GPHN: variants seen among roughly 807,000 people sequenced by gnomAD.
GPHN encodes gephyrin.
Under a neutral mutation model 95.5 loss-of-function variants are expected in GPHN, and 17 were observed. The observed-to-expected ratio is 0.18, with a 90% CI of 0.12 to 0.27. The LOEUF (loss-of-function observed/expected upper bound fraction) is 0.27. Ranked by LOEUF, GPHN falls within the 10% of genes least tolerant of loss-of-function variation. The pLI is 1.00. For synonymous variants in GPHN, 320 were observed against 322.5 expected (o/e 0.99, Z 0.08); for missense variants, 660 against 978.1 (o/e 0.67, Z 4.34).
chr14:67,071,068 A>G (rs2076285294), intron 11 of GPHN, among the ~76,000 whole-genome samples: 1 of 152,200 alleles, frequency 6.6e-6, no homozygotes, highest in South Asian at 2.1e-4. Flanking sequence ...TGTGGAAGAT[A>G]GTGTGGCAAT....
the GPHN span, chr14:67,385,484 C>T: frequency 2.6e-5 from 4 of 151,436 alleles, no homozygotes; most frequent in South Asian, 4.2e-4. Context: ...CCCATCAAAG[C>T]CTTTTCATTA....
At position 66,841,360 on chromosome 14, in the gene GPHN, C is replaced by T. The variant is rs531978791; in HGVS notation, c.294+16794C>T. On this transcript the variant is annotated intron_variant, in intron 4 of 22. Coordinates refer to ENST00000478722, the MANE Select transcript of GPHN (RefSeq NM_020806.5). ...AGAGGAAGCCATGGATCATGTGGAACCTGTATGCCACCCTTAGTGTAACAG... is the reference window on the plus strand; with the variant it reads ...AGAGGAAGCCATGGATCATGTGGAATCTGTATGCCACCCTTAGTGTAACAG... 2.6e-5 allele frequency among the ~76,000 whole-genome samples: 4 copies of T among 152,220 alleles called. No homozygotes were observed. The East Asian group carries it at 5.8e-4, about 22-fold the overall frequency.
chr14:67,468,859 C>T, the GPHN span, among the ~76,000 whole-genome samples: 1 of 151,836 alleles, frequency 6.6e-6, no homozygotes, highest in Non-Finnish European at 1.5e-5. Context: ...TGCACCACTG[C>T]ACTCCAGTCT....
At chr14:66,878,143 A>G (rs2063754680) in intron 4 of GPHN, among the ~76,000 whole-genome samples, 1 of 152,206 alleles carries the variant, frequency 6.6e-6, no homozygotes, top group Admixed American at 6.5e-5. Context: ...TCTATTTAAT[A>G]AATGGTATTG....
the GPHN span, chr14:67,311,872 G>T: frequency 3.9e-5 from 6 of 152,566 alleles, no homozygotes; most frequent in Admixed American, 1.3e-4. Flanking sequence ...GTCGTTGATA[G>T]TGTGCTTGTT....
chr14:66,722,188 C>T (rs564084262), intron 2 of GPHN, among the ~76,000 whole-genome samples: 1 of 151,850 alleles, frequency 6.6e-6, no homozygotes, highest in South Asian at 2.1e-4. Flanking sequence ...GAAAGGATTC[C>T]GCTTTTTTAA....
intron 9 of GPHN, among the ~76,000 whole-genome samples, chr14:67,022,794 G>C (rs547711155): frequency 1.3e-5 from 2 of 151,468 alleles, no homozygotes; most frequent in South Asian, 4.2e-4. Context: ...ATCCATTTGT[G>C]GCAAGCTGCT....
intron 2 of GPHN, among the ~76,000 whole-genome samples, chr14:66,713,752 TTTTA>T (rs2069896766): frequency 6.6e-6 from 1 of 151,928 alleles, no homozygotes; most frequent in Non-Finnish European, 1.5e-5. Flanking sequence ...GTTGTTTTTT[TTTTA>T]TTTGTTTGTT....
At chr14:67,644,397 G>A in the GPHN span, among the ~76,000 whole-genome samples, 1 of 152,118 alleles carries the variant, frequency 6.6e-6, no homozygotes, top group African/African-American at 2.4e-5. Context: ...GCTCTTCCAG[G>A]ACTAAAACTC....
intron 1 of GPHN, among the ~76,000 whole-genome samples, chr14:66,560,263 C>T (rs2060178552): frequency 1.3e-5 from 2 of 152,030 alleles, no homozygotes; most frequent in African/African-American, 4.8e-5. Context: ...GTAGTTTTTT[C>T]CAATTCTGTG....
intron 3 of GPHN, among the ~76,000 whole-genome samples, chr14:66,784,531 T>C (rs909126793): frequency 6.6e-6 from 1 of 152,306 alleles, no homozygotes; most frequent in South Asian, 2.1e-4. Flanking sequence ...ATCACAGTTA[T>C]ACTGTATAAT....
the GPHN span, among the ~76,000 whole-genome samples, chr14:67,445,577 CTTTTTTTTTTTTT>C: frequency 1.7e-5 from 1 of 59,924 alleles, no homozygotes; most frequent in Non-Finnish European, 3.0e-5. Context: ...AGAGGCAATT[CTTTTTTTTTTTTT>C]TTTTTTTTTT....
In GPHN at chr14:66,651,678, A is replaced by T. The variant is rs763027709; in HGVS notation, c.65-29429A>T. On this transcript the variant is annotated intron_variant, in intron 1 of 22. Transcript: ENST00000478722. ...TTCTAGACTAAAGTCAAGGCGGAATATCCTGAGATTGCCACAAAAGCACTA... is the reference window on the plus strand; with the variant it reads ...TTCTAGACTAAAGTCAAGGCGGAATTTCCTGAGATTGCCACAAAAGCACTA... Among the ~76,000 whole-genome samples the T allele has an allele frequency of 1.4e-3, 212 of 152,178 alleles. 6 individuals carry two copies. The highest frequency in any genetic ancestry group is 3.7e-4 in the Non-Finnish European group (25 of 68,040).
chr14:66,719,477 A>G (rs1283189230), intron 2 of GPHN, among the ~76,000 whole-genome samples: 1 of 152,144 alleles, frequency 6.6e-6, no homozygotes, highest in Non-Finnish European at 1.5e-5. Context: ...GGGCAGTCAC[A>G]TTATCTCAGG....
chr14:67,703,874 T>C, the GPHN span, among the ~76,000 whole-genome samples: 1 of 152,084 alleles, frequency 6.6e-6, no homozygotes, highest in South Asian at 2.1e-4. Flanking sequence ...GATGGGGTTT[T>C]GCCATGTTGC....
chr14:67,213,320 C>T, the GPHN span, among the ~76,000 whole-genome samples: 7 of 113,636 alleles, frequency 6.2e-5, no homozygotes, highest in Middle Eastern at 0.01. Flanking sequence ...CCCCCTCCCC[C>T]CACCCCACAA....
the GPHN span, chr14:67,335,522 A>G: frequency 4.8e-4 from 73 of 152,786 alleles, no homozygotes; most frequent in African/African-American, 1.7e-3. Flanking sequence ...AAATGGAAGG[A>G]GAATATTATT....
At chr14:67,729,257 C>G in the GPHN span, 9 of 1,608,970 alleles carry the variant, frequency 5.6e-6, no homozygotes, top group Non-Finnish European at 6.8e-6. Flanking sequence ...CGGCACTCCT[C>G]CCTGCTCTGC....
intron 21 of GPHN, among the ~76,000 whole-genome samples, chr14:67,175,577 A>C (rs1425712598): frequency 1.3e-5 from 2 of 152,132 alleles, no homozygotes; most frequent in Non-Finnish European, 2.9e-5. Flanking sequence ...TTTTGGTTCC[A>C]TATGAACTTT....
Sources: allele counts gnomAD v4.1 joint callset (sites outside exome capture counted in the v4.1 genomes callset), GRCh38; gene constraint gnomAD v4.1.1; transcripts MANE v1.5; gene names NCBI Gene and HGNC (gene_info 2026-07-23, HGNC 2026-07-21).